The following PRDM16 variants were observed in gnomAD, a reference collection of about 807,000 sequenced individuals.
The protein encoded by PRDM16 is PR/SET domain 16, also known as histone-lysine N-methyltransferase PRDM16.
Under a neutral mutation model 110.6 loss-of-function variants are expected in PRDM16, and 23 were observed. The observed-to-expected ratio is 0.21, with a 90% CI of 0.15 to 0.29. The LOEUF (loss-of-function observed/expected upper bound fraction) is 0.29, where lower values mean the gene tolerates loss of function less well. PRDM16 is among the 10% of genes least tolerant of loss of function. PRDM16 has a pLI of 1.00. For synonymous variants in PRDM16, 799 were observed against 781.8 expected, an observed-to-expected ratio of 1.02 and a Z score of -0.37; for missense variants, 1,615 against 1,794.3, an observed-to-expected ratio of 0.90 and a Z score of 1.81.
chr1:3,343,336 C>T lies in PRDM16; in HGVS notation c.439-41816C>T, dbSNP rs530221457. ...TAAATTGGATTGTTTGTCTTTTTAT[C>T]AATTGATTTTTAGATCTTTATGTAT... On this transcript the variant is annotated intron_variant, in intron 3 of 16. Coordinates refer to ENST00000270722, the MANE Select transcript of PRDM16 (RefSeq NM_022114.4). Among the ~76,000 whole-genome samples, 53 of 150,302 alleles carry T rather than the reference C, an allele frequency of 3.5e-4. No homozygotes were observed. In the East Asian group the frequency reaches 9.9e-3, roughly 28 times the overall value.
intron 14 of PRDM16, among the ~76,000 whole-genome samples, chr1:3,428,684 A>C (rs1365926919): frequency 6.6e-6 from 1 of 152,210 alleles, no homozygotes; most frequent in Non-Finnish European, 1.5e-5. Context: ...CTCCGCCATC[A>C]GGAAGGATCC....
At position 3,235,470 on chromosome 1, in the gene PRDM16, C is replaced by T. The variant is rs191026460; in HGVS notation, c.388-8617C>T. On this transcript the variant is annotated intron_variant, in intron 2 of 16. Coordinates refer to ENST00000270722, the MANE Select transcript of PRDM16 (RefSeq NM_022114.4). ...GAAGGAGGAAGGTGTCCACAGAGGG[C>T]CAGAAGCAATGCTGGACACCCCTGT... Among the ~76,000 whole-genome samples, 20 of 152,318 alleles carry T rather than the reference C, an allele frequency of 1.3e-4. 1 individual carries two copies. Among genetic ancestry groups the T allele is most frequent in the Non-Finnish European group, 2.1e-4 (14 of 68,030 alleles).
chr1:3,410,108 G>A (rs1308371027), intron 8 of PRDM16, among the ~76,000 whole-genome samples: 6 of 150,082 alleles, frequency 4.0e-5, no homozygotes, highest in South Asian at 2.1e-4. Context: ...GTGTGTGTGC[G>A]TGTGTGTGGT....
At chr1:3,084,754 G>A (rs892405597) in intron 1 of PRDM16, among the ~76,000 whole-genome samples, 2 of 152,212 alleles carry the variant, frequency 1.3e-5, no homozygotes, top group African/African-American at 4.8e-5. Context: ...GGCCCAGGCA[G>A]CATCTTCCCT....
rs531034756 is a variant in PRDM16, at chr1:3,415,562, G to A, written c.2691+915G>A. ...TTAATAACTTCCCCTGATTTTCCTC[G>A]GGATGGGCTGGAAAGAGCCACGAGC... On this transcript the variant is annotated intron_variant, in intron 10 of 16. Transcript: ENST00000270722. Among the ~76,000 whole-genome samples the A allele has an allele frequency of 1.1e-4, 16 of 152,374 alleles. No homozygotes were observed. In the South Asian group the frequency reaches 1.7e-3, roughly 16 times the overall value.
intron 1 of PRDM16, 36 bp from the exon 2 acceptor site, chr1:3,186,089 G>T (rs771840975): frequency 6.5e-7 from 1 of 1,547,130 alleles, no homozygotes. Flanking sequence ...GGTGGGGCAC[G>T]TGCTGCAGAG....
intron 1 of PRDM16, among the ~76,000 whole-genome samples, chr1:3,141,211 T>C (rs1643543631): frequency 6.6e-6 from 1 of 152,350 alleles, no homozygotes; most frequent in African/African-American, 2.4e-5. Context: ...ATATTTAGAC[T>C]TATGGGCCAA....
At chr1:3,192,436 C>A (rs1638336282) in intron 2 of PRDM16, among the ~76,000 whole-genome samples, 1 of 152,186 alleles carries the variant, frequency 6.6e-6, no homozygotes. Context: ...GCCCCTACAT[C>A]CAGACCTCAT....
chr1:3,097,112 G>A (rs990885284), intron 1 of PRDM16, among the ~76,000 whole-genome samples: 1 of 152,182 alleles, frequency 6.6e-6, no homozygotes, highest in East Asian at 1.9e-4. Context: ...ATTCTAGGGA[G>A]AGCGGTGCCG....
intron 1 of PRDM16, among the ~76,000 whole-genome samples, chr1:3,179,832 C>T (rs918844909): frequency 2.6e-5 from 4 of 152,178 alleles, no homozygotes; most frequent in South Asian, 2.1e-4. Flanking sequence ...GTTAGAGAGA[C>T]GGTTCCCAAA....
At chr1:3,119,956 G>A (rs148962477) in intron 1 of PRDM16, among the ~76,000 whole-genome samples, 68 of 142,132 alleles carry the variant, frequency 4.8e-4, no homozygotes, top group African/African-American at 1.8e-3. Context: ...TTTCTTGGAG[G>A]GGGGAGAGAG....
intron 4 of PRDM16, among the ~76,000 whole-genome samples, chr1:3,393,062 A>AT (rs1422459961): frequency 6.6e-6 from 1 of 152,218 alleles, no homozygotes. Flanking sequence ...TGGCATCATT[A>AT]TTTTTTTAAA....
At chr1:3,114,203 G>A (rs75967364) in intron 1 of PRDM16, among the ~76,000 whole-genome samples, 18 of 117,612 alleles carry the variant, frequency 1.5e-4, no homozygotes, top group Non-Finnish European at 2.3e-4. Flanking sequence ...GCACACGCAC[G>A]CACACACGCA....
chr1:3,082,872 G>A (rs1287674175), intron 1 of PRDM16, among the ~76,000 whole-genome samples: 1 of 152,204 alleles, frequency 6.6e-6, no homozygotes, highest in Non-Finnish European at 1.5e-5. Flanking sequence ...AAGTGCCTGT[G>A]GCCCCTGGGT....
At chr1:3,342,365 A>G (rs2100516080) in intron 3 of PRDM16, among the ~76,000 whole-genome samples, 1 of 152,334 alleles carries the variant, frequency 6.6e-6, no homozygotes, top group South Asian at 2.1e-4. Flanking sequence ...CAAGCCACCC[A>G]CTACTTCAGT....
rs777403111 is a variant in PRDM16 at position 3,087,168 on chromosome 1, TCAGCCCCACCCGAGAC to T, written c.37+17931_37+17946del. Among the ~76,000 whole-genome samples the T allele has an allele frequency of 3.1e-3, 464 of 148,774 alleles. 12 individuals are homozygous for T. Among genetic ancestry groups the T allele is most frequent in the African/African-American group, 6.1e-3 (241 of 39,830 alleles). ...AAGAGGCAGCCTCACCACGTGCTGG[TCAGCCCCACCCGAGAC>T]CAGCCCCACCCGAGACCAGCCCCAC... On this transcript the variant is annotated intron_variant, in intron 1 of 16. Coordinates refer to ENST00000270722, the MANE Select transcript of PRDM16 (RefSeq NM_022114.4).
intron 1 of PRDM16, among the ~76,000 whole-genome samples, chr1:3,091,430 C>T (rs568949164): frequency 1.8e-4 from 27 of 152,320 alleles, no homozygotes; most frequent in Non-Finnish European, 2.9e-4. Flanking sequence ...AGGTTGGCAA[C>T]GCTCAGCTTT....
intron 1 of PRDM16, among the ~76,000 whole-genome samples, chr1:3,110,908 G>C (rs146759277): frequency 4.6e-5 from 7 of 152,204 alleles, no homozygotes; most frequent in Non-Finnish European, 1.0e-4. Context: ...CTGATGCCCC[G>C]GGGTGGGGTG....
rs1041147287 is a variant in PRDM16 at position 3,243,091 on chromosome 1, G to A, written c.388-996G>A. On this transcript the variant is annotated intron_variant, in intron 2 of 16. Coordinates refer to ENST00000270722, the MANE Select transcript of PRDM16 (RefSeq NM_022114.4). This position sits in a 1 kb window ranked among gnomAD's most constrained non-coding sequence, Gnocchi z 5.5. ...AGCCAAAGAACGTTCCGGCTGGAGC[G>A]ACCTGGGAGGAAGAACGAGCCGACT... Among the ~76,000 whole-genome samples, 7 of 152,246 alleles carry A rather than the reference G, an allele frequency of 4.6e-5. No homozygotes were observed. The highest frequency in any genetic ancestry group is 2.1e-4 in the South Asian group (1 of 4,818).
Sources: allele counts gnomAD v4.1 joint callset (sites outside exome capture counted in the v4.1 genomes callset), GRCh38; gene constraint gnomAD v4.1.1; non-coding constraint Gnocchi (gnomAD v3.1); transcripts MANE v1.5; gene names NCBI Gene and HGNC (gene_info 2026-07-23, HGNC 2026-07-21).